Variants in SLC12A5 observed in about 807,000 individuals in gnomAD.
SLC12A5 encodes the protein solute carrier family 12 member 5.
A neutral mutation model predicts 124.0 loss-of-function variants in SLC12A5; 18 were observed. The observed-to-expected ratio is 0.15, with a 90% CI of 0.10 to 0.22. SLC12A5 has a LOEUF of 0.22. Ranked by LOEUF, SLC12A5 falls within the 10% of genes least tolerant of loss-of-function variation. SLC12A5 has a pLI of 1.00. For synonymous variants in SLC12A5, 589 were observed against 568.0 expected (o/e 1.04, Z -0.53); for missense variants, 867 against 1,478.7 (o/e 0.59, Z 6.78).
At position 46,041,415 on chromosome 20, in the gene SLC12A5, C is replaced by T; in HGVS notation, c.941C>T (p.Thr314Ile). ...KLAWEGNETV[T>I]TRLWGLFCSS... ...GCTTGGGAAGGAAATGAGACGGTGACCACACGGCTATGGGGCCTTTTCTGC... is the reference window on the plus strand; with the variant it reads ...GCTTGGGAAGGAAATGAGACGGTGATCACACGGCTATGGGGCCTTTTCTGC... The change falls in exon 8 of 26, where the codon ACC becomes ATC. Residue 314 changes from threonine (T) to isoleucine (I), a missense_variant. Physicochemically the swap from Thr to Ile is moderately conservative, Grantham distance 89 (BLOSUM62 -1). This residue lies in a region of SLC12A5 where 127 missense variants were observed against 164.1 expected (regional missense o/e 0.77). Coordinates refer to ENST00000243964, the MANE Select transcript of SLC12A5 (RefSeq NM_020708.5). The T allele has an allele frequency of 6.2e-7, 1 of 1,614,132 alleles. No individual in the cohort carries two copies. Among genetic ancestry groups the T allele is most frequent in the South Asian group, 1.1e-5 (1 of 91,076 alleles).
At chr20:46,055,723 T>G in intron 21 of SLC12A5, 1 of 188,432 alleles carries the variant, frequency 5.3e-6, no homozygotes, top group Non-Finnish European at 1.1e-5. Context: ...GGGTGGGTAA[T>G]GTATTTATCA....
In SLC12A5 at chr20:46,035,488, C is replaced by A; in HGVS notation, c.232C>A (p.His78Asn). Residue 78 changes from histidine to asparagine, a missense_variant, in exon 3 of 26, where the codon CAT becomes AAT. This residue lies in a region of SLC12A5 where 126 missense variants were observed against 291.6 expected (regional missense o/e 0.43). Transcript: ENST00000243964. ...CAACCTGCCCCAGGGAAGTAGGGAG[C>A]ATGAAGAGGCAGAAAACAATGAGGG... is the stretch of plus-strand genomic sequence containing the variant. ...YTNLPQGSRE[H>N]EEAENNEGGK... The A allele has an allele frequency of 6.2e-7, 1 of 1,610,968 alleles. No homozygotes were observed. The highest frequency in any genetic ancestry group is 2.2e-5 in the East Asian group (1 of 44,746).
chr20:46,045,238 T>A lies in SLC12A5; in HGVS notation c.1569+98T>A. On this transcript the variant is annotated intron_variant, in intron 12 of 25. Coordinates refer to ENST00000243964, the MANE Select transcript of SLC12A5 (RefSeq NM_020708.5). The surrounding 1 kb of genome is among the most constrained non-coding windows in gnomAD (Gnocchi z 4.9). ...CCCAGGGCCATAACCAGCCTTAGACTACCTCCTGGGCCACTTCTGCTCTGT... is the reference window on the plus strand; with the variant it reads ...CCCAGGGCCATAACCAGCCTTAGACAACCTCCTGGGCCACTTCTGCTCTGT... 1.5e-6 allele frequency: 2 copies of A among 1,375,002 alleles called. No homozygotes were observed. The highest frequency in any genetic ancestry group is 1.9e-6 in the Non-Finnish European group (2 of 1,032,550). 85.2% of individuals were successfully genotyped at this position (1,375,002 alleles called of 1,614,324 possible). A position where few individuals can be genotyped will look rare whatever the true frequency, so the allele number is the denominator to read the frequency against.
rs2084424068 is a variant in SLC12A5, at chr20:46,029,333, C to G, written c.-12C>G. On this transcript the variant is annotated 5_prime_UTR_variant, in exon 1 of 26. Coordinates refer to ENST00000243964, the MANE Select transcript of SLC12A5 (RefSeq NM_020708.5). The stretch of plus-strand genomic sequence containing the variant: ...GCGCAGCCATCCCCGGACCAGGGGC[C>G]GCGCCGCCACCATGCTAAACAACCT... 1.3e-6 allele frequency: 2 copies of G among 1,543,174 alleles called. No individual in the cohort carries two copies. Among genetic ancestry groups the G allele is most frequent in the Non-Finnish European group, 1.7e-6 (2 of 1,143,668 alleles).
At chr20:46,044,818 G>C (rs2084579142) in intron 11 of SLC12A5, 148 bp from the exon 12 acceptor site, 3 of 833,514 alleles carry the variant, frequency 3.6e-6, no homozygotes, top group Admixed American at 2.5e-5. Context: ...AAAAACAATG[G>C]AACATTTGGG....
At chr20:46,039,637 T>C (rs2145487002) in intron 6 of SLC12A5, among the ~76,000 whole-genome samples, 1 of 151,464 alleles carries the variant, frequency 6.6e-6, no homozygotes, top group African/African-American at 2.4e-5. Context: ...TAGCCAGGGG[T>C]GGTGGTGGGC....
At position 46,049,680 on chromosome 20, in the gene SLC12A5, C is replaced by G; in HGVS notation, c.2071C>G (p.Leu691Val). 1.2e-6 allele frequency: 2 copies of G among 1,606,062 alleles called. No homozygotes were observed. Among genetic ancestry groups the G allele is most frequent in the Non-Finnish European group, 1.7e-6 (2 of 1,176,596 alleles). The change falls in exon 17 of 26, where the codon CTG becomes GTG. Residue 691 changes from leucine (L) to valine (V), a missense_variant. Leu to Val is a conservative substitution (Grantham distance 32, BLOSUM62 1). Coordinates refer to ENST00000243964, the MANE Select transcript of SLC12A5 (RefSeq NM_020708.5). ...AGACCAGAATGTGGTGCACCCCCAG[C>G]TGCTCTCACTGACCTCCCAGCTGAA... ...DQDQNVVHPQLLSLTSQLKAG... is the reference protein window; with the variant it reads ...DQDQNVVHPQVLSLTSQLKAG...
rs201729629 is a variant in SLC12A5 at position 46,040,511 on chromosome 20, T to C, written c.751T>C (p.Tyr251His). The change falls in exon 7 of 26, where the codon TAT becomes CAT. Residue 251 changes from tyrosine (Y) to histidine (H), a missense_variant. Transcript: ENST00000243964. ...MATVVFVGVK[Y>H]VNKFALVFLG... ...CACTGTGGTGTTTGTGGGTGTCAAGTATGTCAACAAGTTTGCCCTTGTCTT... is the reference window on the plus strand; with the variant it reads ...CACTGTGGTGTTTGTGGGTGTCAAGCATGTCAACAAGTTTGCCCTTGTCTT... The C allele has an allele frequency of 1.9e-6, 3 of 1,614,232 alleles. No individual in the cohort carries two copies. Among genetic ancestry groups the C allele is most frequent in the Non-Finnish European group, 1.7e-6 (2 of 1,180,042 alleles).
chr20:46,058,879 C>CG lies in SLC12A5; in HGVS notation c.*1277dup. ...AGCCGCCTTCTCCGTGCTCTGGGGC[C>CG]GGGCCTCGCTGCTTAGCAGCGGCCT... On this transcript the variant is annotated 3_prime_UTR_variant, in exon 26 of 26. Coordinates refer to ENST00000243964, the MANE Select transcript of SLC12A5 (RefSeq NM_020708.5). The surrounding 1 kb of genome is among the most constrained non-coding windows in gnomAD (Gnocchi z 5.8). The CG allele has an allele frequency of 2.5e-6, 1 of 397,386 alleles. No individual in the cohort carries two copies. 24.6% of individuals were successfully genotyped at this position (397,386 alleles called of 1,614,324 possible).
At chr20:46,027,428 C>T (rs531207392), upstream of SLC12A5, among the ~76,000 whole-genome samples, 1 of 152,326 alleles carries the variant, frequency 6.6e-6, no homozygotes, top group East Asian at 1.9e-4. Flanking sequence ...ACAAGTAAAG[C>T]TGAGCCCTGG....
At chr20:46,046,502 C>T (rs576072968) in intron 14 of SLC12A5, 66 bp downstream of exon 14, 189 of 1,388,446 alleles carry the variant, frequency 1.4e-4, no homozygotes, top group Admixed American at 7.7e-4. Flanking sequence ...CCTCATCTTA[C>T]TCCAGTCCAT....
intron 1 of SLC12A5, among the ~76,000 whole-genome samples, chr20:46,031,871 T>C (rs1410267443): frequency 6.6e-6 from 1 of 152,198 alleles, no homozygotes; most frequent in African/African-American, 2.4e-5. Flanking sequence ...CCTTACTCCT[T>C]GGCTCCGGGG....
At chr20:46,036,182 G>T (rs2084497066) in intron 4 of SLC12A5, 1 of 417,554 alleles carries the variant, frequency 2.4e-6, no homozygotes, top group Middle Eastern at 6.1e-4. Context: ...GAAATGATAA[G>T]GGTAGGGAAG....
In SLC12A5 at chr20:46,053,427, G is replaced by T. The variant is rs2084663461; in HGVS notation, c.2548-151G>T. 3.1e-5 allele frequency: 35 copies of T among 1,115,226 alleles called. No homozygotes were observed. In the South Asian group the frequency reaches 4.8e-4, roughly 15 times the overall value. The allele number at this position is 1,115,226 out of a possible 1,614,324, so 69.1% of individuals were successfully genotyped here. A position where few individuals can be genotyped will look rare whatever the true frequency, so the allele number is the denominator to read the frequency against. On this transcript the variant is annotated intron_variant, in intron 19 of 25. Coordinates refer to ENST00000243964, the MANE Select transcript of SLC12A5 (RefSeq NM_020708.5). The surrounding 1 kb of genome is among the most constrained non-coding windows in gnomAD (Gnocchi z 4.7). ...AGACCTAAGCAGGGAAGGTTTTGTA[G>T]AGAGTGGCCCCAAAGACAGAGGATT...
intron 6 of SLC12A5, 108 bp downstream of exon 6, chr20:46,037,493 G>T (rs1440040480): frequency 7.9e-6 from 10 of 1,262,910 alleles, no homozygotes; most frequent in Non-Finnish European, 9.4e-6. Context: ...CCAAAAATGT[G>T]GTTCAGTAAG....
chr20:46,058,240 C>T lies in SLC12A5; in HGVS notation c.*635C>T, dbSNP rs2084715291. ...TGGGGGCACTGCGGGGAGGCGAGGC[C>T]TCGGGAAGCTGAATTTTCCTTGACG... On this transcript the variant is annotated 3_prime_UTR_variant, in exon 26 of 26. Transcript: ENST00000243964. The surrounding 1 kb of genome is among the most constrained non-coding windows in gnomAD (Gnocchi z 5.8). 1 of 384,712 alleles carries T rather than the reference C, an allele frequency of 2.6e-6. No homozygotes were observed. The highest frequency in any genetic ancestry group is 2.1e-5 in the African/African-American group (1 of 48,414). The allele number at this position is 384,712 out of a possible 1,614,324, so 23.8% of individuals were successfully genotyped here.
rs745691740 is a variant in SLC12A5 at position 46,047,966 on chromosome 20, C to T, written c.1908-15C>T. The T allele has an allele frequency of 1.3e-6, 2 of 1,597,618 alleles. No individual in the cohort carries two copies. The highest frequency in any genetic ancestry group is 1.7e-6 in the Non-Finnish European group (2 of 1,171,732). ...TGGCTTTCTGCTCTCATGTGATCCA[C>T]TTCCCGGCTCCCAGGGCAGAGAAGG... is the stretch of plus-strand genomic sequence containing the variant. On this transcript the variant is annotated splice_polypyrimidine_tract_variant and intron_variant, in intron 15 of 25. Transcript: ENST00000243964.
chr20:46,029,076 C>A, upstream of SLC12A5: 1 of 1,273,220 alleles, frequency 7.9e-7, no homozygotes, highest in South Asian at 2.1e-5. Flanking sequence ...CTCTCCCTCC[C>A]GCTCTCCCCC....
At chr20:46,023,536 C>G (rs1034711650) in exon 3 of SLC12A5, 1 of 398,586 alleles carries the variant, frequency 2.5e-6, no homozygotes, top group Non-Finnish European at 4.4e-6. Flanking sequence ...TAGCCCTCCT[C>G]CACAGAAGCC....
Sources: allele counts gnomAD v4.1 joint callset (sites outside exome capture counted in the v4.1 genomes callset), GRCh38; gene constraint gnomAD v4.1.1; regional missense constraint gnomAD v4.1.1; non-coding constraint Gnocchi (gnomAD v3.1); transcripts MANE v1.5; gene names NCBI Gene and HGNC (gene_info 2026-07-23, HGNC 2026-07-21).